Variants in EVI5 observed in about 807,000 individuals in gnomAD.
The protein encoded by EVI5 is ecotropic viral integration site 5.
In EVI5, 73 loss-of-function variants were observed where a neutral mutation model predicts 112.0. The ratio of observed to expected loss-of-function variants is 0.65; its 90% CI spans 0.54 to 0.79. EVI5 has a LOEUF of 0.79. Among genes scored for constraint, EVI5 ranks in the 30% least tolerant of loss-of-function variants. The pLI, the probability that EVI5 is intolerant of heterozygous loss-of-function variation, is 0.00. For synonymous variants in EVI5, 305 were observed against 319.9 expected, an observed-to-expected ratio of 0.95 and a Z score of 0.50; for missense variants, 900 against 968.8, an observed-to-expected ratio of 0.93 and a Z score of 0.94.
chr1:92,614,806 T>C (rs1333833115), intron 16 of EVI5, among the ~76,000 whole-genome samples: 2 of 147,008 alleles, frequency 1.4e-5, no homozygotes, highest in Non-Finnish European at 3.0e-5. Context: ...TGTATGTGTA[T>C]TATATATAAT....
At position 92,513,729 on chromosome 1, in the gene EVI5, G is replaced by A. The variant is rs1443911149; in HGVS notation, c.2408C>T (p.Thr803Ile). Residue 803 changes from threonine (T) to isoleucine (I), a missense_variant, in exon 20 of 20, where the codon ACC becomes ATC. Coordinates refer to ENST00000684568, the MANE Select transcript of EVI5 (RefSeq NM_001350197.2). ...TTGAACCACTTGGTTGCTCTCTCTG[G>A]TCTCCAGCACACTGTCTTCTGTTTC... is the stretch of plus-strand genomic sequence containing the variant. Reference protein sequence around the residue: ...ESETEDSVLETRESNQVVQKE... With the variant: ...ESETEDSVLEIRESNQVVQKE... 2 of 1,612,940 alleles carry A rather than the reference G, an allele frequency of 1.2e-6. No individual in the cohort carries two copies. Among genetic ancestry groups the A allele is most frequent in the South Asian group, 2.2e-5 (2 of 90,970 alleles).
At chr1:92,566,231 A>G (rs1380970050) in intron 18 of EVI5, among the ~76,000 whole-genome samples, 2 of 152,162 alleles carry the variant, frequency 1.3e-5, no homozygotes, top group South Asian at 4.1e-4. Flanking sequence ...TGTAATTAAT[A>G]TTTGCATAGA....
intron 10 of EVI5, among the ~76,000 whole-genome samples, chr1:92,674,130 G>A (rs1053159243): frequency 6.6e-6 from 1 of 152,102 alleles, no homozygotes; most frequent in Non-Finnish European, 1.5e-5. Flanking sequence ...GCGGGAGGGA[G>A]GGAGTGTGTG....
At chr1:92,625,404 T>C (rs1231252713) in intron 15 of EVI5, among the ~76,000 whole-genome samples, 1 of 152,198 alleles carries the variant, frequency 6.6e-6, no homozygotes, top group Admixed American at 6.5e-5. Context: ...GTAACTAAGT[T>C]ACTAATTTAT....
chr1:92,765,827 A>C lies in EVI5; in HGVS notation c.-82+19009T>G, dbSNP rs572541744. On this transcript the variant is annotated intron_variant, in intron 1 of 19. Transcript: ENST00000684568. Reference sequence around the variant, plus strand: ...ATGGTGGTTCATGCCTGTAATCCTAACACTTTGGGAAGCCAAGGCGGGAGG... The same window carrying C: ...ATGGTGGTTCATGCCTGTAATCCTACCACTTTGGGAAGCCAAGGCGGGAGG... 1.6e-4 allele frequency among the ~76,000 whole-genome samples: 25 copies of C among 152,148 alleles called. No homozygotes were observed. The East Asian group carries it at 4.4e-3, about 27-fold the overall frequency.
At chr1:92,699,452 A>G (rs778852862) in intron 5 of EVI5, among the ~76,000 whole-genome samples, 1 of 152,098 alleles carries the variant, frequency 6.6e-6, no homozygotes, top group Non-Finnish European at 1.5e-5. Flanking sequence ...TGAAATCTGT[A>G]TCTCCCCTAA....
At chr1:92,580,796 G>T in intron 18 of EVI5, 1 of 154,966 alleles carries the variant, frequency 6.5e-6, no homozygotes. Flanking sequence ...AGGTGCAGCT[G>T]CAAGATATGT....
intron 2 of EVI5, among the ~76,000 whole-genome samples, chr1:92,715,856 T>C (rs537359751): frequency 1.3e-5 from 2 of 152,156 alleles, no homozygotes; most frequent in Non-Finnish European, 2.9e-5. Context: ...CTTTGCTCAC[T>C]GCTAGCTCAG....
At chr1:92,788,366 C>G (rs966770329), upstream of EVI5, among the ~76,000 whole-genome samples, 1 of 151,582 alleles carries the variant, frequency 6.6e-6, no homozygotes, top group East Asian at 1.9e-4. Context: ...CTCAGCTACT[C>G]GGGAGACTGA....
intron 19 of EVI5, among the ~76,000 whole-genome samples, chr1:92,563,430 C>G (rs74102903): frequency 0.021 from 3,244 of 152,208 alleles, 116 homozygotes; most frequent in African/African-American, 0.072. Context: ...CATTCTAGGT[C>G]ATGCTAATGA....
intron 1 of EVI5, among the ~76,000 whole-genome samples, chr1:92,770,020 T>C (rs1005723295): frequency 5.3e-5 from 8 of 152,276 alleles, no homozygotes; most frequent in Admixed American, 3.3e-4. Context: ...GAAGATGCTA[T>C]GCTGCTGGGT....
At chr1:92,637,788 A>G (rs1226362481) in intron 13 of EVI5, among the ~76,000 whole-genome samples, 1 of 152,018 alleles carries the variant, frequency 6.6e-6, no homozygotes, top group Non-Finnish European at 1.5e-5. Context: ...AAACTATTAA[A>G]AATAACCAGA....
chr1:92,564,030 C>T (rs2100909675), intron 18 of EVI5, among the ~76,000 whole-genome samples: 1 of 152,294 alleles, frequency 6.6e-6, no homozygotes, highest in African/African-American at 2.4e-5. Context: ...TCAAGCAATT[C>T]TCTTGCCTCA....
chr1:92,774,103 T>C (rs1039632188), intron 1 of EVI5: 11 of 152,088 alleles, frequency 7.2e-5, no homozygotes, highest in African/African-American at 2.7e-4. Context: ...CAGACTGTAA[T>C]TGACCACAGT....
At chr1:92,563,307 G>A (rs1427373227) in intron 19 of EVI5, among the ~76,000 whole-genome samples, 1 of 152,054 alleles carries the variant, frequency 6.6e-6, no homozygotes, top group Non-Finnish European at 1.5e-5. Flanking sequence ...TATTCTATAG[G>A]TATAAGCAAA....
At chr1:92,587,128 G>T (rs7545318) in intron 18 of EVI5, among the ~76,000 whole-genome samples, 1 of 152,010 alleles carries the variant, frequency 6.6e-6, no homozygotes, top group African/African-American at 2.4e-5. Context: ...AGTTGGACAC[G>T]AAAGAATCTC....
At chr1:92,519,141 A>G (rs1235134467) in intron 19 of EVI5, among the ~76,000 whole-genome samples, 3 of 152,166 alleles carry the variant, frequency 2.0e-5, no homozygotes, top group Non-Finnish European at 4.4e-5. Flanking sequence ...TTTTCAGGAA[A>G]GTAGATAATA....
intron 19 of EVI5, among the ~76,000 whole-genome samples, chr1:92,554,729 G>C (rs1667434315): frequency 6.6e-6 from 1 of 152,170 alleles, no homozygotes; most frequent in Non-Finnish European, 1.5e-5. Context: ...AGCACTTTCA[G>C]AGGCCAAGAC....
intron 1 of EVI5, among the ~76,000 whole-genome samples, chr1:92,750,268 C>T (rs1421621630): frequency 6.6e-6 from 1 of 152,110 alleles, no homozygotes; most frequent in Middle Eastern, 3.4e-3. Flanking sequence ...AACAGAAAAT[C>T]AATGAACTAG....
Sources: gnomAD v4.1 joint callset for allele counts (sites outside exome capture counted in the v4.1 genomes callset) on GRCh38, gnomAD v4.1.1 for gene constraint, MANE v1.5 for transcripts, NCBI Gene and HGNC (gene_info 2026-07-23, HGNC 2026-07-21) for gene names.